EEA1: variants seen among roughly 807,000 people sequenced by gnomAD.
EEA1 encodes early endosome antigen 1, 162kD.
A neutral mutation model predicts 209.2 loss-of-function variants in EEA1; 111 were observed. The observed-to-expected ratio is 0.53, with a 90% CI of 0.45 to 0.62. The LOEUF (loss-of-function observed/expected upper bound fraction) is 0.62. Among genes scored for constraint, EEA1 ranks in the 20% least tolerant of loss-of-function variants. The probability of loss-of-function intolerance (pLI) is 0.00; values close to 1 mark genes in which losing one functional copy is unlikely to be tolerated. For synonymous variants in EEA1, 536 were observed against 540.6 expected (o/e 0.99, Z 0.12); for missense variants, 1,343 against 1,530.8 (o/e 0.88, Z 2.05).
At chr12:92,869,790 G>GAAAAAAAAAAAAAAAAAAAAAAAAAA in intron 2 of EEA1, among the ~76,000 whole-genome samples, 1 of 69,068 alleles carries the variant, frequency 1.4e-5, no homozygotes, top group Non-Finnish European at 3.2e-5. Flanking sequence ...AAAAAAAAAG[G>GAAAAAAAAAAAAAAAAAAAAAAAAAA]AAAGCCCTTA....
chr12:92,845,968 A>G (rs1361633310), intron 9 of EEA1, among the ~76,000 whole-genome samples: 2 of 152,210 alleles, frequency 1.3e-5, no homozygotes, highest in Non-Finnish European at 2.9e-5. Flanking sequence ...GTTTTCTGAA[A>G]TGTTATTGAA....
chr12:92,896,538 AAAG>A (rs759487045), intron 1 of EEA1, among the ~76,000 whole-genome samples: 53 of 152,314 alleles, frequency 3.5e-4, no homozygotes, highest in Middle Eastern at 3.4e-3. Context: ...TCTTTCATGA[AAAG>A]AAGAGTTAAT....
chr12:92,793,465 CA>C (rs1413595598), intron 21 of EEA1, among the ~76,000 whole-genome samples: 1 of 152,190 alleles, frequency 6.6e-6, no homozygotes, highest in African/African-American at 2.4e-5. Context: ...GCAAAAATCA[CA>C]AGCATTCCTA....
At position 92,813,187 on chromosome 12, in the gene EEA1, T is replaced by TA. The variant is rs954592803; in HGVS notation, c.1930-95dup. 19 of 732,386 alleles carry TA rather than the reference T, an allele frequency of 2.6e-5. No homozygotes were observed. The African/African-American group carries it at 3.4e-4, about 13-fold the overall frequency. The allele number at this position is 732,386 out of a possible 1,614,324, so 45.4% of individuals were successfully genotyped here. On this transcript the variant is annotated intron_variant, in intron 15 of 28. Transcript: ENST00000322349. ...TCCTTTTGTGACTAAACAAACTATT[T>TA]AAAAATTAAGTCCTTGGCAAAAACA...
rs1162892374 is a variant in EEA1, at chr12:92,773,257, A to T, written c.*2754T>A. The T allele has an allele frequency of 2.6e-5, 4 of 152,250 alleles. No individual in the cohort carries two copies. The highest frequency in any genetic ancestry group is 4.4e-5 in the Non-Finnish European group (3 of 67,744). The allele number at this position is 152,250 out of a possible 1,614,324, so 9.4% of individuals were successfully genotyped here. ...TTTTTATGCAAATGTAAGGTTAAAA[A>T]AAAGTGGCTTTAAAGTTCTCAAAAC... On this transcript the variant is annotated 3_prime_UTR_variant, in exon 29 of 29. Transcript: ENST00000322349.
chr12:92,779,324 AT>A, intron 24 of EEA1, 24 bp from the exon 25 acceptor site: 2 of 1,564,546 alleles, frequency 1.3e-6, no homozygotes, highest in Non-Finnish European at 1.7e-6. Context: ...AGGGCCAAAA[AT>A]AAATCATCCT....
Position 92,811,127 on chromosome 12 carries a change from G to A in EEA1, c.2199+152C>T, listed in dbSNP as rs561676115. The stretch of plus-strand genomic sequence containing the variant: ...AAATAAAGATAGAATTCAAACTTAA[G>A]ACATGAAAAATTACAAGCAATTTTT... On this transcript the variant is annotated intron_variant, in intron 17 of 28. Transcript: ENST00000322349. 14 of 469,900 alleles carry A rather than the reference G, an allele frequency of 3.0e-5. 1 individual carries two copies. The highest frequency in any genetic ancestry group is 2.6e-4 in the African/African-American group (13 of 49,444). The allele number at this position is 469,900 out of a possible 1,614,324, so 29.1% of individuals were successfully genotyped here. A position where few individuals can be genotyped will look rare whatever the true frequency, so the allele number is the denominator to read the frequency against.
At chr12:92,846,836 T>A (rs1877404464) in intron 9 of EEA1, among the ~76,000 whole-genome samples, 1 of 152,232 alleles carries the variant, frequency 6.6e-6, no homozygotes, top group Non-Finnish European at 1.5e-5. Context: ...ATTATGTATC[T>A]TCAGCCCCAA....
intron 18 of EEA1, among the ~76,000 whole-genome samples, chr12:92,804,970 A>T (rs1875125213): frequency 6.6e-6 from 1 of 152,184 alleles, no homozygotes; most frequent in Non-Finnish European, 1.5e-5. Flanking sequence ...GAAAGATCTT[A>T]AAGGTTTTCC....
intron 1 of EEA1, among the ~76,000 whole-genome samples, chr12:92,902,196 C>CA (rs901169167): frequency 3.6e-4 from 54 of 150,320 alleles, no homozygotes; most frequent in Admixed American, 4.6e-4. Context: ...CTTGTCTCCA[C>CA]AAAAAAAAGA....
At chr12:92,828,731 A>G (rs1348185458) in intron 11 of EEA1, among the ~76,000 whole-genome samples, 2 of 151,952 alleles carry the variant, frequency 1.3e-5, no homozygotes, top group Non-Finnish European at 2.9e-5. Flanking sequence ...TACATACCCT[A>G]TCCTAACAGC....
intron 20 of EEA1, 133 bp downstream of exon 20, chr12:92,801,463 CTTAT>C: frequency 2.0e-6 from 1 of 504,798 alleles, no homozygotes; most frequent in East Asian, 3.6e-5. Flanking sequence ...TATGAAAATG[CTTAT>C]TTTTCTTAAA....
chr12:92,812,631 G>A (rs1875573641), intron 16 of EEA1, among the ~76,000 whole-genome samples: 1 of 152,126 alleles, frequency 6.6e-6, no homozygotes, highest in South Asian at 2.1e-4. Context: ...AAATGTGGTG[G>A]TCTGCCCCAT....
intron 1 of EEA1, among the ~76,000 whole-genome samples, chr12:92,920,906 AAAAC>A (rs1292397388): frequency 6.6e-6 from 1 of 151,432 alleles, no homozygotes; most frequent in East Asian, 1.9e-4. Flanking sequence ...TTACAAGAAA[AAAAC>A]AAACAACCCC....
intron 10 of EEA1, among the ~76,000 whole-genome samples, chr12:92,837,004 C>A (rs1253446001): frequency 6.6e-6 from 1 of 151,642 alleles, no homozygotes; most frequent in Non-Finnish European, 1.5e-5. Flanking sequence ...ACCTGTAATC[C>A]CAGTTACTCA....
chr12:92,886,211 A>G (rs931419388), intron 2 of EEA1, among the ~76,000 whole-genome samples: 15 of 150,006 alleles, frequency 1.0e-4, no homozygotes, highest in Non-Finnish European at 3.0e-5. Context: ...AAAAAAAACA[A>G]TCAGAACTAG....
chr12:92,825,444 A>G (rs2136686258), intron 13 of EEA1, among the ~76,000 whole-genome samples: 1 of 150,722 alleles, frequency 6.6e-6, no homozygotes, highest in Admixed American at 6.6e-5. Context: ...TGGGCGAAAG[A>G]GCAACACTCC....
chr12:92,859,516 G>T (rs113018273), intron 3 of EEA1, among the ~76,000 whole-genome samples: 2 of 152,124 alleles, frequency 1.3e-5, no homozygotes, highest in Non-Finnish European at 2.9e-5. Context: ...CCATGTAACT[G>T]CCTAGAAACA....
chr12:92,871,635 T>C (rs1267440314), intron 2 of EEA1, among the ~76,000 whole-genome samples: 2 of 152,218 alleles, frequency 1.3e-5, no homozygotes, highest in Non-Finnish European at 2.9e-5. Flanking sequence ...GTATCTCTTC[T>C]GGTATACGTA....
Sources: gnomAD v4.1 joint callset for allele counts (sites outside exome capture counted in the v4.1 genomes callset) on GRCh38, gnomAD v4.1.1 for gene constraint, MANE v1.5 for transcripts, NCBI Gene and HGNC (gene_info 2026-07-23, HGNC 2026-07-21) for gene names.